The following ZFYVE26 variants were observed in gnomAD, a reference collection of about 807,000 sequenced individuals.
The protein encoded by ZFYVE26 is zinc finger FYVE-type containing 26, also known as zinc finger FYVE domain-containing protein 26.
Under a neutral mutation model 276.5 loss-of-function variants are expected in ZFYVE26, and 181 were observed. The ratio of observed to expected loss-of-function variants is 0.65; its 90% CI spans 0.58 to 0.74. ZFYVE26 has a LOEUF of 0.74. Among genes scored for constraint, ZFYVE26 ranks in the 30% least tolerant of loss-of-function variants. The pLI is 0.00. For synonymous variants in ZFYVE26, 1,129 were observed against 1,203.1 expected (o/e 0.94, Z 1.27); for missense variants, 2,821 against 3,097.9 (o/e 0.91, Z 2.12).
chr14:67,764,130 C>G (rs2039000242), intron 32 of ZFYVE26, among the ~76,000 whole-genome samples: 1 of 152,182 alleles, frequency 6.6e-6, no homozygotes, highest in Non-Finnish European at 1.5e-5. Flanking sequence ...GGATAGAAAG[C>G]CCAGAGGGCT....
At position 67,798,530 on chromosome 14, in the gene ZFYVE26, T is replaced by C; in HGVS notation, c.1732A>G (p.Ile578Val). 3 of 1,614,154 alleles carry C rather than the reference T, an allele frequency of 1.9e-6. No homozygotes were observed. The highest frequency in any genetic ancestry group is 2.5e-6 in the Non-Finnish European group (3 of 1,180,030). Reference protein sequence around the residue: ...DSLCLELLENIFSLLLITSAD... With the variant: ...DSLCLELLENVFSLLLITSAD... ...GAGGTGATGAGAAGCAATGAGAAGATGTTTTCCAGAAGCTCCAGGCACAGA... is the reference window on the plus strand; with the variant it reads ...GAGGTGATGAGAAGCAATGAGAAGACGTTTTCCAGAAGCTCCAGGCACAGA... Residue 578 changes from isoleucine to valine, a missense_variant, in exon 11 of 42, where the codon ATC (isoleucine) becomes GTC (valine). By Grantham distance (29) the Ile-to-Val change is conservative. Coordinates refer to ENST00000347230, the MANE Select transcript of ZFYVE26 (RefSeq NM_015346.4).
intron 29 of ZFYVE26, among the ~76,000 whole-genome samples, 187 bp from the exon 30 acceptor site, chr14:67,768,735 T>G (rs1443985800): frequency 5.3e-5 from 8 of 152,034 alleles, no homozygotes; most frequent in Non-Finnish European, 1.0e-4. Context: ...CAGTATGGTG[T>G]GTGGGTAATT....
Position 67,807,937 on chromosome 14 carries a change from G to C in ZFYVE26, c.364-17C>G, listed in dbSNP as rs779009763. The C allele has an allele frequency of 6.2e-7, 1 of 1,614,118 alleles. No individual in the cohort carries two copies. Among genetic ancestry groups the C allele is most frequent in the Non-Finnish European group, 8.5e-7 (1 of 1,179,988 alleles). ...ATACAGCTCCTAAATAGAGGATGAA[G>C]AAAAGGATGGGTGGTGGGCATGCCT... On this transcript the variant is annotated splice_polypyrimidine_tract_variant and intron_variant, in intron 4 of 41. Transcript: ENST00000347230.
At chr14:67,802,376 G>A in intron 9 of ZFYVE26, 94 bp from the exon 10 acceptor site, 1 of 1,289,852 alleles carries the variant, frequency 7.8e-7, no homozygotes, top group Non-Finnish European at 1.1e-6. Context: ...CATACTTAGA[G>A]GTCCACTTGT....
At chr14:67,752,722 T>C (rs139414587) in intron 39 of ZFYVE26, among the ~76,000 whole-genome samples, 196 bp from the exon 40 acceptor site, 2 of 152,286 alleles carry the variant, frequency 1.3e-5, no homozygotes, top group Non-Finnish European at 2.9e-5. Context: ...TTAGGAAGCA[T>C]CCACAAAAAC....
chr14:67,799,430 A>T, intron 10 of ZFYVE26: 2 of 1,612,662 alleles, frequency 1.2e-6, no homozygotes. Context: ...AGAAGCAGAA[A>T]CGAGCAGAAA....
chr14:67,729,181 T>C lies in ZFYVE26; in HGVS notation n.3288+30A>G, dbSNP rs754817805. On this transcript the variant is annotated intron_variant and non_coding_transcript_variant, in intron 14 of 14. Coordinates refer to the ZFYVE26 transcript ENST00000394455. ...GTGTCCCTGATCTAATTGTGCCCTC[T>C]TTGTCCCAGGCACCGGGGTCACCAC... 20 of 1,612,826 alleles carry C rather than the reference T, an allele frequency of 1.2e-5. No homozygotes were observed. The Admixed American group carries it at 1.3e-4, about 11-fold the overall frequency.
chr14:67,748,850 T>G (rs984447779), intron 41 of ZFYVE26, among the ~76,000 whole-genome samples: 2 of 152,198 alleles, frequency 1.3e-5, no homozygotes, highest in African/African-American at 4.8e-5. Context: ...TAAAAAGTTA[T>G]TACAAATAAG....
Position 67,815,937 on chromosome 14 carries a change from T to A in ZFYVE26, c.27A>T (p.Glu9Asp). The change falls in exon 2 of 42, where the codon GAA (glutamate) becomes GAT (aspartate). Residue 9 changes from glutamate (E) to aspartate (D), a missense_variant. Coordinates refer to ENST00000347230, the MANE Select transcript of ZFYVE26 (RefSeq NM_015346.4). MNHPFGKEEAASQKQLFGF... is the reference protein window; with the variant it reads MNHPFGKEDAASQKQLFGF... ...CAAAAAGCTGCTTCTGCGAAGCAGC[T>A]TCCTCTTTTCCAAATGGATGATTCA... 6.2e-7 allele frequency: 1 copy of A among 1,612,792 alleles called. No homozygotes were observed.
chr14:67,807,400 T>C lies in ZFYVE26; in HGVS notation c.884A>G (p.Lys295Arg). ...GAGCAGCAGCAAAGGGAACACACCTTTTCCCGAGGCTGTAGCCCTCGGTGG... is the reference window on the plus strand; with the variant it reads ...GAGCAGCAGCAAAGGGAACACACCTCTTCCCGAGGCTGTAGCCCTCGGTGG... Reference protein sequence around the residue: ...EKPPRATASGKVSPDHLDPER... With the variant: ...EKPPRATASGRVSPDHLDPER... The change falls in exon 5 of 42, where the codon AAA becomes AGA. Residue 295 changes from lysine to arginine, a missense_variant and splice_region_variant. Transcript: ENST00000347230. 1 of 1,614,040 alleles carries C rather than the reference T, an allele frequency of 6.2e-7. No homozygotes were observed. The highest frequency in any genetic ancestry group is 1.1e-5 in the South Asian group (1 of 91,046).
chr14:67,770,016 A>G (rs750070880), intron 28 of ZFYVE26: 1 of 469,766 alleles, frequency 2.1e-6, no homozygotes, highest in Non-Finnish European at 3.9e-6. Flanking sequence ...AAGAAAAAGT[A>G]GTGGAGAAGA....
Position 67,761,369 on chromosome 14 carries a change from G to A in ZFYVE26, c.6585C>T (p.Asn2195=), listed in dbSNP as rs377709932. The change falls in exon 35 of 42, where the codon AAC becomes AAT. Residue 2195 remains asparagine (N), a synonymous_variant. Coordinates refer to ENST00000347230, the MANE Select transcript of ZFYVE26 (RefSeq NM_015346.4). ...CLREALLHLL[N]KESPPEVFIE... ...TTGAGCTGTGTCCATGTCCCACCTTGTTGAGAAGGTGCAGAAGAGCTTCCC... is the reference window on the plus strand; with the variant it reads ...TTGAGCTGTGTCCATGTCCCACCTTATTGAGAAGGTGCAGAAGAGCTTCCC... 2.0e-5 allele frequency: 33 copies of A among 1,612,078 alleles called. No individual in the cohort carries two copies. The highest frequency in any genetic ancestry group is 6.7e-5 in the Admixed American group (4 of 59,728).
intron 12 of ZFYVE26, among the ~76,000 whole-genome samples, chr14:67,795,422 G>T (rs558402306): frequency 1.7e-4 from 26 of 152,170 alleles, no homozygotes; most frequent in Non-Finnish European, 2.8e-4. Context: ...GAAATCTGTT[G>T]CCCTGACATC....
downstream of ZFYVE26, among the ~76,000 whole-genome samples, chr14:67,742,418 A>G (rs1349135336): frequency 6.6e-6 from 1 of 152,242 alleles, no homozygotes; most frequent in Non-Finnish European, 1.5e-5. Context: ...TGTATATTTT[A>G]GCATAATAAA....
intron 13 of ZFYVE26, chr14:67,729,827 A>T: frequency 2.1e-6 from 1 of 473,924 alleles, no homozygotes; most frequent in Non-Finnish European, 4.2e-6. Context: ...TATCTGTTGA[A>T]ATATAGAAGT....
At chr14:67,797,289 A>T in intron 12 of ZFYVE26, 1 of 308,904 alleles carries the variant, frequency 3.2e-6, no homozygotes, top group Non-Finnish European at 6.3e-6. Context: ...AAACAACTGG[A>T]AACTTAAATG....
intron 15 of ZFYVE26, among the ~76,000 whole-genome samples, chr14:67,790,250 G>A (rs1157673544): frequency 1.3e-5 from 2 of 152,212 alleles, no homozygotes; most frequent in Non-Finnish European, 1.5e-5. Flanking sequence ...ACATGGGAAG[G>A]AAATAAACTC....
At position 67,775,695 on chromosome 14, in the gene ZFYVE26, C is replaced by T. The variant is rs2039323131; in HGVS notation, c.5221+165G>A. On this transcript the variant is annotated intron_variant, in intron 26 of 41. Coordinates refer to ENST00000347230, the MANE Select transcript of ZFYVE26 (RefSeq NM_015346.4). Reference sequence around the variant, plus strand: ...ATTCTGGTCATTATTCTACTTCCTCCAAGACCAAGATCTCTCCTATATAAT... The same window carrying T: ...ATTCTGGTCATTATTCTACTTCCTCTAAGACCAAGATCTCTCCTATATAAT... Among the ~76,000 whole-genome samples the T allele has an allele frequency of 2.6e-5, 4 of 152,208 alleles. No individual in the cohort carries two copies. The South Asian group carries it at 8.3e-4, about 32-fold the overall frequency.
intron 27 of ZFYVE26, among the ~76,000 whole-genome samples, chr14:67,773,551 GCGCACACACA>G (rs2039266813): frequency 7.9e-6 from 1 of 125,886 alleles, no homozygotes; most frequent in Admixed American, 7.9e-5. Context: ...AAAAAAAAAG[GCGCACACACA>G]CACACACACA....
Sources: gnomAD v4.1 joint callset for allele counts (sites outside exome capture counted in the v4.1 genomes callset) on GRCh38, gnomAD v4.1.1 for gene constraint, MANE v1.5 for transcripts, NCBI Gene and HGNC (gene_info 2026-07-23, HGNC 2026-07-21) for gene names.